PCNT: variants seen among roughly 807,000 people sequenced by gnomAD.
PCNT encodes kendrin.
In PCNT, 319 loss-of-function variants were observed where a neutral mutation model predicts 380.4. That is an observed-to-expected ratio of 0.84 (90% CI 0.77 to 0.92). PCNT has a LOEUF of 0.92. PCNT is among the 40% of genes least tolerant of loss of function. PCNT has a pLI of 0.00. For missense variants in PCNT, 4,400 were observed against 4,255.3 expected (o/e 1.03, Z -0.95); for synonymous variants, 1,845 against 1,735.2 (o/e 1.06, Z -1.57).
intron 16 of PCNT, among the ~76,000 whole-genome samples, chr21:46,383,267 C>T (rs1226807757): frequency 6.8e-6 from 1 of 146,308 alleles, no homozygotes; most frequent in Admixed American, 6.9e-5. Context: ...GATGGAAGCG[C>T]ATTCACAGTG....
At chr21:46,333,945 G>A (rs1036906032) in intron 2 of PCNT, among the ~76,000 whole-genome samples, 8 of 150,840 alleles carry the variant, frequency 5.3e-5, no homozygotes, top group Admixed American at 2.0e-4. Context: ...GGTGGCTCAT[G>A]CCTGTAATCC....
Position 46,359,475 on chromosome 21 carries a change from C to T in PCNT, c.2154+2284C>T, listed in dbSNP as rs1275800280. ...TCTTGTAGTATTCTGTCCAAAAATA[C>T]ACCTGTTTTTTTTTTGTTTTTTTTT... On this transcript the variant is annotated intron_variant, in intron 13 of 46. Transcript: ENST00000359568. Among the ~76,000 whole-genome samples the T allele has an allele frequency of 2.6e-5, 2 of 78,072 alleles. 1 individual carries two copies. The highest frequency in any genetic ancestry group is 6.2e-5 in the Non-Finnish European group (2 of 32,364). The allele number at this position is 78,072 out of a possible 152,430, so 51.2% of individuals were successfully genotyped here.
intron 45 of PCNT, 152 bp downstream of exon 45, chr21:46,444,100 T>C (rs1490330011): frequency 8.4e-6 from 7 of 834,270 alleles, no homozygotes; most frequent in Non-Finnish European, 1.3e-5. Context: ...GGCCAAGAAG[T>C]CCCGCCCTGT....
chr21:46,393,078 C>T (rs1457495562), intron 21 of PCNT, among the ~76,000 whole-genome samples: 1 of 152,182 alleles, frequency 6.6e-6, no homozygotes, highest in African/African-American at 2.4e-5. Flanking sequence ...GTGAAGTCCT[C>T]ACTGCGGTGT....
In PCNT at chr21:46,411,836, G is replaced by T; in HGVS notation, c.5763G>T (p.Trp1921Cys). ...AAGAAPPELQ[W>C]LRAQCARLSR... Reference sequence around the variant, plus strand: ...GGGCGGCGCCTCCCGAGCTGCAGTGGCTCCGAGCGCAGTGTGCCCGCCTCA... The same window carrying T: ...GGGCGGCGCCTCCCGAGCTGCAGTGTCTCCGAGCGCAGTGTGCCCGCCTCA... The change falls in exon 28 of 47, where the codon TGG (tryptophan) becomes TGT (cysteine). Residue 1921 changes from tryptophan to cysteine, a missense_variant. By Grantham distance (215) the Trp-to-Cys change is radical. Coordinates refer to ENST00000359568, the MANE Select transcript of PCNT (RefSeq NM_006031.6). 1 of 1,562,170 alleles carries T rather than the reference G, an allele frequency of 6.4e-7. No individual in the cohort carries two copies. Among genetic ancestry groups the T allele is most frequent in the South Asian group, 1.1e-5 (1 of 88,064 alleles).
rs925568077 is a variant in PCNT, at chr21:46,388,551, C to T, written c.3465-191C>T. On this transcript the variant is annotated intron_variant, in intron 17 of 46. Coordinates refer to ENST00000359568, the MANE Select transcript of PCNT (RefSeq NM_006031.6). This position sits in a 1 kb window ranked among gnomAD's most constrained non-coding sequence, Gnocchi z 4.2. ...AGCCCGTGTCCCTGAGTGGGCTCCA[C>T]GTGGTTGTCTTGTCTGTGGCCTCAG... 6.6e-5 allele frequency among the ~76,000 whole-genome samples: 10 copies of T among 152,212 alleles called. No individual in the cohort carries two copies. Among genetic ancestry groups the T allele is most frequent in the Non-Finnish European group, 1.5e-4 (10 of 68,022 alleles).
Position 46,334,787 on chromosome 21 carries a change from G to C in PCNT, c.639+19G>C. Reference sequence around the variant, plus strand: ...CACAAAGGTATTCTTTAAGTTCTCTGTTAAGGTGTATTCTTTGTCAAAAGA... The same window carrying C: ...CACAAAGGTATTCTTTAAGTTCTCTCTTAAGGTGTATTCTTTGTCAAAAGA... On this transcript the variant is annotated intron_variant, in intron 3 of 46. Coordinates refer to ENST00000359568, the MANE Select transcript of PCNT (RefSeq NM_006031.6). The C allele has an allele frequency of 6.2e-7, 1 of 1,614,234 alleles. No individual in the cohort carries two copies. The highest frequency in any genetic ancestry group is 8.5e-7 in the Non-Finnish European group (1 of 1,180,032).
intron 3 of PCNT, among the ~76,000 whole-genome samples, chr21:46,335,507 A>G (rs1422798167): frequency 6.6e-6 from 1 of 151,968 alleles, no homozygotes; most frequent in Non-Finnish European, 1.5e-5. Flanking sequence ...CAGCCTGGCC[A>G]ATATGGTGAA....
At chr21:46,336,888 C>T (rs533391993) in intron 3 of PCNT, among the ~76,000 whole-genome samples, 1 of 151,976 alleles carries the variant, frequency 6.6e-6, no homozygotes, top group African/African-American at 2.4e-5. Flanking sequence ...TGCCCTCCCC[C>T]CCAGGTTTAT....
chr21:46,326,342 C>T (rs752502740), intron 1 of PCNT, 35 bp from the exon 2 acceptor site: 3 of 1,603,200 alleles, frequency 1.9e-6, no homozygotes, highest in South Asian at 2.2e-5. Flanking sequence ...TCTCACTTAC[C>T]TTTGCCTTTA....
Position 46,402,477 on chromosome 21 carries a change from C to G in PCNT, c.5109C>G (p.Ser1703Arg). The change falls in exon 27 of 47, where the codon AGC (serine) becomes AGG (arginine). Residue 1703 changes from serine to arginine, a missense_variant. Physicochemically the swap from Ser to Arg is moderately radical, Grantham distance 110. Transcript: ENST00000359568. ...SLRELEEENT[S>R]LKVIYTRSSE... ...GAGAACTTGAGGAAGAGAACACGAG[C>G]TTGAAGGTAAGCTACCAAAGGTCCA... 1 of 1,614,050 alleles carries G rather than the reference C, an allele frequency of 6.2e-7. No individual in the cohort carries two copies. Among genetic ancestry groups the G allele is most frequent in the Non-Finnish European group, 8.5e-7 (1 of 1,179,974 alleles).
chr21:46,426,366 G>T (rs923637262), intron 33 of PCNT, among the ~76,000 whole-genome samples: 4 of 152,266 alleles, frequency 2.6e-5, no homozygotes, highest in Non-Finnish European at 2.9e-5. Flanking sequence ...AAAGACTGAG[G>T]TCCAAGAACC....
intron 16 of PCNT, among the ~76,000 whole-genome samples, chr21:46,384,183 C>T (rs2085725803): frequency 6.9e-6 from 1 of 145,458 alleles, no homozygotes; most frequent in Non-Finnish European, 1.5e-5. Context: ...GAAGCGCATT[C>T]ACGGTGTTGT....
At position 46,369,206 on chromosome 21, in the gene PCNT, A is replaced by G. The variant is rs775214943; in HGVS notation, c.3165+2067A>G. On this transcript the variant is annotated intron_variant, in intron 15 of 46. Transcript: ENST00000359568. ...TGTGTCCTGTCCTTGTCTTCACCAC[A>G]TGTCAGGGAGTCCTGGGGATGTGTT... 3.9e-5 allele frequency among the ~76,000 whole-genome samples: 6 copies of G among 152,278 alleles called. No homozygotes were observed. The Middle Eastern group carries it at 0.01, about 259-fold the overall frequency.
chr21:46,430,432 C>T (rs2087702068), intron 36 of PCNT, 75 bp from the exon 37 acceptor site: 2 of 1,528,684 alleles, frequency 1.3e-6, no homozygotes, highest in East Asian at 4.9e-5. Flanking sequence ...CTCTGCCTCC[C>T]CTCCTGGAGC....
chr21:46,431,510 G>C lies in PCNT; in HGVS notation c.8065-19G>C. On this transcript the variant is annotated intron_variant, in intron 37 of 46. Coordinates refer to ENST00000359568, the MANE Select transcript of PCNT (RefSeq NM_006031.6). ...TCCTCTTGATTCAGTGTCTCCCATC[G>C]TATGTGTTTGCTGTCTAGGAGCTGC... 6.2e-7 allele frequency: 1 copy of C among 1,613,894 alleles called. No homozygotes were observed. Among genetic ancestry groups the C allele is most frequent in the Non-Finnish European group, 8.5e-7 (1 of 1,179,908 alleles).
intron 31 of PCNT, among the ~76,000 whole-genome samples, chr21:46,419,422 A>G (rs1407132559): frequency 6.6e-6 from 1 of 151,960 alleles, no homozygotes; most frequent in Non-Finnish European, 1.5e-5. Context: ...TTCAAACTCT[A>G]TTTGCTGTTT....
chr21:46,440,835 T>A lies in PCNT; in HGVS notation c.9394-20T>A. 1.4e-6 allele frequency: 2 copies of A among 1,450,870 alleles called. No homozygotes were observed. The highest frequency in any genetic ancestry group is 1.9e-6 in the Non-Finnish European group (2 of 1,031,494). The allele number at this position is 1,450,870 out of a possible 1,614,324, so 89.9% of individuals were successfully genotyped here. A position where few individuals can be genotyped will look rare whatever the true frequency, so the allele number is the denominator to read the frequency against. ...GTCTTTGTTTCCTATGATAAAATTT[T>A]ACTGCTTTTTTTCTTTTAGATGGAA... On this transcript the variant is annotated intron_variant, in intron 42 of 46. Coordinates refer to ENST00000359568, the MANE Select transcript of PCNT (RefSeq NM_006031.6).
rs758277603 is a variant in PCNT, at chr21:46,388,863, G to A, written c.3586G>A (p.Ala1196Thr). The change falls in exon 18 of 47, where the codon GCA becomes ACA. Residue 1196 changes from alanine (A) to threonine (T), a missense_variant. Ala to Thr is a moderately conservative substitution (Grantham distance 58). Coordinates refer to ENST00000359568, the MANE Select transcript of PCNT (RefSeq NM_006031.6). This position sits in a 1 kb window ranked among gnomAD's most constrained non-coding sequence, Gnocchi z 4.2. ...RVGLCLDDAG[A>T]GLALSTAPAL... is the part of the protein sequence containing the mutation. ...GGGGCTCTGCCTGGATGACGCGGGC[G>A]CAGGCCTGGCCCTGTCGACAGGTGA... 1.2e-4 allele frequency: 187 copies of A among 1,606,472 alleles called. 1 individual carries two copies. The highest frequency in any genetic ancestry group is 2.1e-4 in the Middle Eastern group (1 of 4,862).
Sources: allele counts gnomAD v4.1 joint callset (sites outside exome capture counted in the v4.1 genomes callset), GRCh38; gene constraint gnomAD v4.1.1; non-coding constraint Gnocchi (gnomAD v3.1); transcripts MANE v1.5; gene names NCBI Gene and HGNC (gene_info 2026-07-23, HGNC 2026-07-21).